Variants in RAB7A observed in about 807,000 individuals in gnomAD.
RAB7A encodes the protein RAB7A, member RAS oncogene family.
Under a neutral mutation model 24.5 loss-of-function variants are expected in RAB7A, and 2 were observed. That is an observed-to-expected ratio of 0.08 (90% CI 0.03 to 0.26). RAB7A has a LOEUF of 0.26. RAB7A is among the 10% of genes least tolerant of loss of function. The pLI is 1.00. For missense variants in RAB7A, 118 were observed against 255.7 expected (o/e 0.46, Z 3.67); for synonymous variants, 100 against 95.9 (o/e 1.04, Z -0.25).
At chr3:128,799,260 G>A (rs932808034) in intron 3 of RAB7A, 3 of 126,474 alleles carry the variant, frequency 2.4e-5, no homozygotes, top group African/African-American at 1.0e-4. Context: ...TTTTTTTTTT[G>A]TCTCGTTCCA....
At chr3:128,768,206 G>T (rs1194635067) in intron 1 of RAB7A, among the ~76,000 whole-genome samples, 2 of 152,136 alleles carry the variant, frequency 1.3e-5, no homozygotes, top group Non-Finnish European at 2.9e-5. Context: ...TTGGGGGGGA[G>T]TATCTGGCCT....
chr3:128,749,683 G>A (rs954118661), intron 1 of RAB7A, among the ~76,000 whole-genome samples: 3 of 152,174 alleles, frequency 2.0e-5, no homozygotes, highest in African/African-American at 7.2e-5. Context: ...CATGAGATCT[G>A]ATGGCTATTG....
chr3:128,779,158 A>C (rs2107604311), intron 1 of RAB7A, among the ~76,000 whole-genome samples: 1 of 152,318 alleles, frequency 6.6e-6, no homozygotes, highest in Admixed American at 6.5e-5. Context: ...TCACGCCTAT[A>C]ATCCCAGCAC....
At position 128,813,605 on chromosome 3, in the gene RAB7A, A is replaced by ACG. The variant is rs1233557149; in HGVS notation, c.*184_*185insGC. 61 of 465,340 alleles carry ACG rather than the reference A, an allele frequency of 1.3e-4. No homozygotes were observed. Among genetic ancestry groups the ACG allele is most frequent in the Middle Eastern group, 9.4e-4 (3 of 3,178 alleles). The allele number at this position is 465,340 out of a possible 1,614,324, so 28.8% of individuals were successfully genotyped here. ...ATCTCTCACACACACACACACACGC[A>ACG]CACACACACACACAGATCTGACGTA... On this transcript the variant is annotated 3_prime_UTR_variant, in exon 6 of 6. Transcript: ENST00000265062.
chr3:128,765,131 G>A (rs918360603), intron 1 of RAB7A: 14 of 711,944 alleles, frequency 2.0e-5, no homozygotes, highest in Non-Finnish European at 3.0e-5. Flanking sequence ...GGCTACGGGC[G>A]GCCGGCCGGG....
At chr3:128,764,366 G>C (rs777481059) in intron 1 of RAB7A, 34 of 631,110 alleles carry the variant, frequency 5.4e-5, no homozygotes, top group Non-Finnish European at 9.1e-5. Context: ...TGGATGTTTT[G>C]GCACAACTTA....
intron 1 of RAB7A, among the ~76,000 whole-genome samples, chr3:128,773,804 CAT>C (rs1161114256): frequency 2.6e-5 from 4 of 152,166 alleles, no homozygotes; most frequent in Non-Finnish European, 5.9e-5. Flanking sequence ...CTCTCTGAAA[CAT>C]GTGCTGTGTC....
At chr3:128,765,356 AC>A (rs1377690438) in intron 1 of RAB7A, among the ~76,000 whole-genome samples, 1 of 152,004 alleles carries the variant, frequency 6.6e-6, no homozygotes, top group African/African-American at 2.4e-5. Flanking sequence ...TGCTTCTCAC[AC>A]TTACCCATAC....
At position 128,730,189 on chromosome 3, in the gene RAB7A, C is replaced by T. The variant is rs552180460; in HGVS notation, c.-9+3830C>T. On this transcript the variant is annotated intron_variant, in intron 1 of 5. Coordinates refer to ENST00000265062, the MANE Select transcript of RAB7A (RefSeq NM_004637.6). ...ATCTTCTATTCTGTTTTTCCCCACA[C>T]TCCATATGGCATTAAAGACAGAAAA... Among the ~76,000 whole-genome samples, 4 of 152,124 alleles carry T rather than the reference C, an allele frequency of 2.6e-5. No homozygotes were observed. In the South Asian group the frequency reaches 6.2e-4, roughly 24 times the overall value.
intron 1 of RAB7A, among the ~76,000 whole-genome samples, chr3:128,747,324 C>T (rs952135835): frequency 3.4e-5 from 5 of 148,252 alleles, no homozygotes; most frequent in Non-Finnish European, 6.0e-5. Flanking sequence ...CAGTGGCTCA[C>T]GCCTGTAATC....
At chr3:128,758,439 AT>A (rs71618163) in intron 1 of RAB7A, among the ~76,000 whole-genome samples, 1 of 150,240 alleles carries the variant, frequency 6.7e-6, no homozygotes. Flanking sequence ...CGCCCAGCTA[AT>A]TTTTTTTTGT....
chr3:128,808,347 G>A (rs1228858679), intron 5 of RAB7A, among the ~76,000 whole-genome samples: 1 of 151,838 alleles, frequency 6.6e-6, no homozygotes, highest in Non-Finnish European at 1.5e-5. Flanking sequence ...GTGACAGAGT[G>A]GGACTCTGTC....
chr3:128,797,508 G>A (rs1933602403), intron 2 of RAB7A, among the ~76,000 whole-genome samples: 1 of 152,202 alleles, frequency 6.6e-6, no homozygotes, highest in South Asian at 2.1e-4. Flanking sequence ...TGAAAGCCAA[G>A]GTCTTCCTCC....
Position 128,814,578 on chromosome 3 carries a change from T to C in RAB7A, c.*1156T>C, listed in dbSNP as rs981641394. The C allele has an allele frequency of 3.3e-5, 5 of 152,618 alleles. No individual in the cohort carries two copies. The highest frequency in any genetic ancestry group is 1.2e-4 in the African/African-American group (5 of 41,450). 9.5% of individuals were successfully genotyped at this position (152,618 alleles called of 1,614,324 possible). A position where few individuals can be genotyped will look rare whatever the true frequency, so the allele number is the denominator to read the frequency against. ...CTTAGGTTAGCGGAGCTTTTTCCTC[T>C]TTTCCCCACCCATCTCCCCAATATT... On this transcript the variant is annotated 3_prime_UTR_variant, in exon 6 of 6. Transcript: ENST00000265062.
chr3:128,752,415 GA>G (rs2070695445), intron 1 of RAB7A, among the ~76,000 whole-genome samples: 1 of 148,762 alleles, frequency 6.7e-6, no homozygotes, highest in South Asian at 2.1e-4. Flanking sequence ...AAAATAAAAA[GA>G]AAAAATAATA....
rs563430984 is a variant in RAB7A at position 128,789,553 on chromosome 3, G to A, written c.-8-5807G>A. The stretch of plus-strand genomic sequence containing the variant: ...TTACCATGTTGGCCAGGCTGGTCTC[G>A]AACTCTTGACCTCAAGTGATCTGCC... On this transcript the variant is annotated intron_variant, in intron 1 of 5. Transcript: ENST00000265062. Among the ~76,000 whole-genome samples, 117 of 151,966 alleles carry A rather than the reference G, an allele frequency of 7.7e-4. 1 individual carries two copies. Among genetic ancestry groups the A allele is most frequent in the South Asian group, 1.9e-3 (9 of 4,818 alleles).
chr3:128,795,452 T>G (rs771046614), intron 2 of RAB7A, 32 bp downstream of exon 2: 3 of 1,587,764 alleles, frequency 1.9e-6, no homozygotes, highest in Non-Finnish European at 2.6e-6. Context: ...GCTAACAGAT[T>G]GGCTTAGAGC....
chr3:128,777,325 C>T (rs1933118885), intron 1 of RAB7A, among the ~76,000 whole-genome samples: 1 of 152,102 alleles, frequency 6.6e-6, no homozygotes, highest in Non-Finnish European at 1.5e-5. Context: ...TCCCAAGTAG[C>T]TGGGACTACA....
chr3:128,782,212 A>G (rs1264664540), intron 1 of RAB7A, among the ~76,000 whole-genome samples: 3 of 152,212 alleles, frequency 2.0e-5, no homozygotes, highest in African/African-American at 7.2e-5. Context: ...GAATGGGACA[A>G]AATAGAACCT....
Sources: gnomAD v4.1 joint callset for allele counts (sites outside exome capture counted in the v4.1 genomes callset) on GRCh38, gnomAD v4.1.1 for gene constraint, MANE v1.5 for transcripts, NCBI Gene and HGNC (gene_info 2026-07-23, HGNC 2026-07-21) for gene names.